Variants in EPHA6 observed in about 807,000 individuals in gnomAD.
EPHA6 encodes EPH receptor A6.
In EPHA6, 50 loss-of-function variants were observed where a neutral mutation model predicts 112.0. That is an observed-to-expected ratio of 0.45 (90% CI 0.36 to 0.56). The LOEUF is 0.56. Ranked by LOEUF, EPHA6 falls within the 20% of genes least tolerant of loss-of-function variation. EPHA6 has a pLI of 0.00. For missense variants in EPHA6, 1,280 were observed against 1,417.4 expected, an observed-to-expected ratio of 0.90 and a Z score of 1.56; for synonymous variants, 529 against 490.7, an observed-to-expected ratio of 1.08 and a Z score of -1.03.
intron 16 of EPHA6, among the ~76,000 whole-genome samples, 175 bp from the exon 17 acceptor site, chr3:97,747,248 A>AAATAATTT (rs1471751485): frequency 6.6e-6 from 1 of 152,066 alleles, no homozygotes; most frequent in Non-Finnish European, 1.5e-5. Flanking sequence ...CTGATTTGAT[A>AAATAATTT]AATAATTTTT....
intron 5 of EPHA6, among the ~76,000 whole-genome samples, chr3:97,338,292 C>T (rs2083151201): frequency 6.6e-6 from 1 of 152,086 alleles, no homozygotes; most frequent in Non-Finnish European, 1.5e-5. Context: ...TAAATGAAGA[C>T]ATGAAGTATA....
intron 11 of EPHA6, among the ~76,000 whole-genome samples, chr3:97,557,149 A>T (rs1368924212): frequency 6.6e-6 from 1 of 152,070 alleles, no homozygotes; most frequent in African/African-American, 2.4e-5. Context: ...GTGATTTCAC[A>T]TCACAAAGGT....
chr3:97,156,259 T>C (rs1024231877), intron 3 of EPHA6, among the ~76,000 whole-genome samples: 3 of 152,096 alleles, frequency 2.0e-5, no homozygotes, highest in Admixed American at 2.0e-4. Context: ...CTGATCAGAA[T>C]GCAGGAAGGA....
intron 14 of EPHA6, among the ~76,000 whole-genome samples, chr3:97,649,597 A>G (rs1450864824): frequency 6.6e-6 from 1 of 152,154 alleles, no homozygotes; most frequent in Admixed American, 6.5e-5. Context: ...CAGCATTATC[A>G]GAATGCTATG....
At chr3:97,585,368 G>C (rs2093478276) in intron 11 of EPHA6, among the ~76,000 whole-genome samples, 1 of 152,110 alleles carries the variant, frequency 6.6e-6, no homozygotes, top group South Asian at 2.1e-4. Context: ...CTCCTTGCTA[G>C]TGCTATAGTT....
chr3:97,436,309 G>A (rs1214027919), intron 6 of EPHA6, among the ~76,000 whole-genome samples: 1 of 151,992 alleles, frequency 6.6e-6, no homozygotes, highest in Non-Finnish European at 1.5e-5. Context: ...TTGTAGCTTT[G>A]TAAATCAATC....
At chr3:97,354,376 G>T (rs890802711) in intron 5 of EPHA6, among the ~76,000 whole-genome samples, 1 of 152,036 alleles carries the variant, frequency 6.6e-6, no homozygotes, top group Non-Finnish European at 1.5e-5. Context: ...TGGAATTCAA[G>T]ACAAGACAGA....
At chr3:97,687,562 G>A (rs955682597) in intron 14 of EPHA6, among the ~76,000 whole-genome samples, 1 of 152,160 alleles carries the variant, frequency 6.6e-6, no homozygotes, top group Admixed American at 6.5e-5. Context: ...GATCAATTAA[G>A]TTATTTTTAT....
intron 6 of EPHA6, among the ~76,000 whole-genome samples, chr3:97,423,718 G>T (rs2107197841): frequency 6.6e-6 from 1 of 151,982 alleles, no homozygotes; most frequent in East Asian, 1.9e-4. Context: ...TAAGAAAAAA[G>T]AACAAAGCTG....
intron 14 of EPHA6, among the ~76,000 whole-genome samples, chr3:97,696,299 T>G (rs958557310): frequency 1.3e-5 from 2 of 152,230 alleles, no homozygotes; most frequent in African/African-American, 4.8e-5. Flanking sequence ...ATTGGTGCTC[T>G]CTTGATCTGG....
chr3:96,900,486 G>T (rs978167473), intron 2 of EPHA6, among the ~76,000 whole-genome samples: 1 of 152,066 alleles, frequency 6.6e-6, no homozygotes, highest in African/African-American at 2.4e-5. Context: ...AAATTAAGTG[G>T]TACTGAAAAT....
chr3:97,204,835 T>A, intron 3 of EPHA6, among the ~76,000 whole-genome samples: 1 of 152,144 alleles, frequency 6.6e-6, no homozygotes, highest in East Asian at 1.9e-4. Flanking sequence ...TTCAAGTGGA[T>A]TCATTTACAA....
At chr3:97,682,911 G>C (rs1267835765) in intron 14 of EPHA6, among the ~76,000 whole-genome samples, 2 of 152,152 alleles carry the variant, frequency 1.3e-5, no homozygotes, top group Non-Finnish European at 2.9e-5. Flanking sequence ...GACCCATCTA[G>C]TTACAGCTGA....
chr3:97,236,896 A>T (rs2078694728), intron 4 of EPHA6, among the ~76,000 whole-genome samples: 1 of 152,068 alleles, frequency 6.6e-6, no homozygotes, highest in Non-Finnish European at 1.5e-5. Context: ...CTCTAGCCAC[A>T]TCGCCGCTCC....
At chr3:97,268,997 C>T (rs768355774) in intron 5 of EPHA6, among the ~76,000 whole-genome samples, 104 of 151,926 alleles carry the variant, frequency 6.8e-4, no homozygotes, top group Non-Finnish European at 1.4e-3. Flanking sequence ...GAGAACATTC[C>T]CTTTAGGATA....
chr3:97,261,063 T>A (rs2079484312), intron 5 of EPHA6, among the ~76,000 whole-genome samples: 1 of 152,166 alleles, frequency 6.6e-6, no homozygotes, highest in Non-Finnish European at 1.5e-5. Flanking sequence ...TAATGTTGAT[T>A]GGGAAGGGCA....
At chr3:96,983,989 T>C (rs907869638) in intron 2 of EPHA6, among the ~76,000 whole-genome samples, 1 of 152,198 alleles carries the variant, frequency 6.6e-6, no homozygotes, top group Non-Finnish European at 1.5e-5. Context: ...TTCTTTGCGA[T>C]GGGTTCTAAC....
intron 2 of EPHA6, among the ~76,000 whole-genome samples, chr3:96,986,974 A>G (rs1165100822): frequency 6.6e-6 from 1 of 152,220 alleles, no homozygotes; most frequent in African/African-American, 2.4e-5. Context: ...ATGTTCTTAT[A>G]GTATGCCAGG....
intron 2 of EPHA6, among the ~76,000 whole-genome samples, chr3:96,883,487 C>T (rs2037440603): frequency 6.6e-6 from 1 of 152,126 alleles, no homozygotes; most frequent in Non-Finnish European, 1.5e-5. Context: ...GAAATCCTTG[C>T]TTAAGCCAAT....
Sources: gnomAD v4.1 joint callset for allele counts (sites outside exome capture counted in the v4.1 genomes callset) on GRCh38, gnomAD v4.1.1 for gene constraint, MANE v1.5 for transcripts, NCBI Gene and HGNC (gene_info 2026-07-23, HGNC 2026-07-21) for gene names.